Variants in PCCA observed in about 807,000 individuals in gnomAD.
PCCA encodes the protein propionyl-CoA carboxylase subunit alpha.
In PCCA, 74 loss-of-function variants were observed where a neutral mutation model predicts 101.3. That is an observed-to-expected ratio of 0.73 (90% CI 0.61 to 0.89). The LOEUF (loss-of-function observed/expected upper bound fraction) is 0.89, where lower values mean the gene tolerates loss of function less well. PCCA is among the 40% of genes least tolerant of loss of function. PCCA has a pLI of 0.00. For missense variants in PCCA, 891 were observed against 907.0 expected (o/e 0.98, Z 0.23); for synonymous variants, 294 against 313.6 (o/e 0.94, Z 0.66).
chr13:100,468,111 A>G (rs1256591842), intron 21 of PCCA, among the ~76,000 whole-genome samples: 3 of 152,260 alleles, frequency 2.0e-5, no homozygotes, highest in Admixed American at 6.5e-5. Context: ...GTCAATGAGT[A>G]GTAATATTTT....
chr13:100,285,340 C>T (rs2064519484), intron 12 of PCCA, among the ~76,000 whole-genome samples: 1 of 152,176 alleles, frequency 6.6e-6, no homozygotes, highest in Non-Finnish European at 1.5e-5. Flanking sequence ...TAAGCCTTCC[C>T]ACAGTACAAA....
At chr13:100,253,988 G>A (rs1407002946) in intron 8 of PCCA, among the ~76,000 whole-genome samples, 1 of 152,014 alleles carries the variant, frequency 6.6e-6, no homozygotes, top group Non-Finnish European at 1.5e-5. Flanking sequence ...ACCTGAGACT[G>A]GGTAGTGTAT....
At chr13:100,188,511 A>G (rs2057495735) in intron 6 of PCCA, among the ~76,000 whole-genome samples, 1 of 152,210 alleles carries the variant, frequency 6.6e-6, no homozygotes, top group African/African-American at 2.4e-5. Flanking sequence ...TTGTGCTGCT[A>G]TAAACATGCA....
At chr13:100,430,615 T>C (rs1595877398) in intron 20 of PCCA, among the ~76,000 whole-genome samples, 1 of 152,220 alleles carries the variant, frequency 6.6e-6, no homozygotes, top group African/African-American at 2.4e-5. Flanking sequence ...CACCAATTAC[T>C]TATTCTCCTC....
At chr13:100,232,829 A>C (rs1381012034) in intron 7 of PCCA, among the ~76,000 whole-genome samples, 1 of 151,964 alleles carries the variant, frequency 6.6e-6, no homozygotes, top group Non-Finnish European at 1.5e-5. Context: ...TGATTTGTTT[A>C]TTTTCTGTTT....
chr13:100,102,935 C>T lies in PCCA; in HGVS notation c.158C>T (p.Ser53Leu). The change falls in exon 2 of 24, where the codon TCA (serine) becomes TTA (leucine). Residue 53 changes from serine (S) to leucine (L), a missense_variant. Ser to Leu is a moderately radical substitution (Grantham distance 145, BLOSUM62 -2). Coordinates refer to ENST00000376285, the MANE Select transcript of PCCA (RefSeq NM_000282.4). Reference protein sequence around the residue: ...QCLMVSRNLGSVGYDPNEKTF... With the variant: ...QCLMVSRNLGLVGYDPNEKTF... ...TTAATGGTGTCCCGTAATCTTGGTTCAGTGGGATATGATCCTAATGAAAAA... is the reference window on the plus strand; with the variant it reads ...TTAATGGTGTCCCGTAATCTTGGTTTAGTGGGATATGATCCTAATGAAAAA... The T allele has an allele frequency of 6.2e-7, 1 of 1,605,820 alleles. No individual in the cohort carries two copies. Among genetic ancestry groups the T allele is most frequent in the Non-Finnish European group, 8.5e-7 (1 of 1,172,588 alleles).
chr13:100,173,073 C>A (rs1037944833), intron 6 of PCCA, among the ~76,000 whole-genome samples: 2 of 152,046 alleles, frequency 1.3e-5, no homozygotes. Flanking sequence ...ATCTAGCTTG[C>A]AGAATATTTC....
chr13:100,431,504 G>A (rs1460593100), intron 20 of PCCA, among the ~76,000 whole-genome samples: 1 of 152,198 alleles, frequency 6.6e-6, no homozygotes, highest in Non-Finnish European at 1.5e-5. Flanking sequence ...AGCTCACAAA[G>A]ATACCTATAT....
chr13:100,129,398 C>T (rs1396239762), intron 4 of PCCA, among the ~76,000 whole-genome samples: 5 of 152,138 alleles, frequency 3.3e-5, no homozygotes, highest in Non-Finnish European at 7.4e-5. Context: ...AATTTTAGTT[C>T]ATAGGCTCTT....
chr13:100,138,421 T>G (rs2152338538), intron 4 of PCCA, among the ~76,000 whole-genome samples: 1 of 152,332 alleles, frequency 6.6e-6, no homozygotes, highest in Non-Finnish European at 1.5e-5. Flanking sequence ...TCTTACGTGT[T>G]ATATCTGCAT....
At chr13:100,184,349 T>C (rs1487023814) in intron 6 of PCCA, among the ~76,000 whole-genome samples, 1 of 152,190 alleles carries the variant, frequency 6.6e-6, no homozygotes, top group African/African-American at 2.4e-5. Context: ...AATGAACAAA[T>C]GAATAAGAGA....
chr13:100,458,294 TACACACACACACACACAC>T lies in PCCA; in HGVS notation c.1899+9023_1899+9040del, dbSNP rs57961819. Among the ~76,000 whole-genome samples, 524 of 86,490 alleles carry T rather than the reference TACACACACACACACACAC, an allele frequency of 6.1e-3. 5 individuals carry two copies. Among genetic ancestry groups the T allele is most frequent in the African/African-American group, 0.021 (416 of 20,036 alleles). The allele number at this position is 86,490 out of a possible 152,430, so 56.7% of individuals were successfully genotyped here. ...CTGGGCAACAGTGGGACCCCATCTC[TACACACACACACACACAC>T]ACACACACACACACACACACACACA... On this transcript the variant is annotated intron_variant, in intron 21 of 23. Transcript: ENST00000376285.
chr13:100,380,142 A>G (rs2076148946), intron 19 of PCCA, among the ~76,000 whole-genome samples: 1 of 152,144 alleles, frequency 6.6e-6, no homozygotes, highest in South Asian at 2.1e-4. Context: ...CAGGAGGATG[A>G]CTTGAGCCCA....
intron 6 of PCCA, among the ~76,000 whole-genome samples, chr13:100,169,979 C>T (rs1374567378): frequency 6.6e-6 from 1 of 152,258 alleles, no homozygotes; most frequent in Admixed American, 6.5e-5. Flanking sequence ...GGATTATAGG[C>T]ATGAGCCACC....
intron 19 of PCCA, among the ~76,000 whole-genome samples, chr13:100,385,705 G>A (rs1366524601): frequency 6.6e-6 from 1 of 152,088 alleles, no homozygotes; most frequent in East Asian, 1.9e-4. Context: ...TGACTGCAAC[G>A]TCGGCCTCCT....
In PCCA at chr13:100,204,128, G is replaced by A. The variant is rs561877514; in HGVS notation, c.469-5204G>A. On this transcript the variant is annotated intron_variant, in intron 6 of 23. Transcript: ENST00000376285. ...TTTTGGACAGTTCAGCTGTTTTTCC[G>A]TGGCTTTTTTTTTTTTTTCGAGACA... Among the ~76,000 whole-genome samples the A allele has an allele frequency of 4.0e-5, 6 of 148,678 alleles. No individual in the cohort carries two copies. In the East Asian group the frequency reaches 7.8e-4, roughly 19 times the overall value.
intron 6 of PCCA, among the ~76,000 whole-genome samples, chr13:100,201,554 G>C (rs1351760457): frequency 6.6e-6 from 1 of 151,908 alleles, no homozygotes; most frequent in African/African-American, 2.4e-5. Flanking sequence ...TTAGATCATG[G>C]ACTGTACAAA....
intron 18 of PCCA, among the ~76,000 whole-genome samples, chr13:100,365,340 ATAGTACT>A (rs1188568818): frequency 6.6e-6 from 1 of 152,202 alleles, no homozygotes; most frequent in Non-Finnish European, 1.5e-5. Context: ...GGAAAAATAA[ATAGTACT>A]TAGGTTTTGG....
At chr13:100,438,182 G>T (rs1213344579) in intron 20 of PCCA, among the ~76,000 whole-genome samples, 1 of 151,148 alleles carries the variant, frequency 6.6e-6, no homozygotes, top group African/African-American at 2.4e-5. Flanking sequence ...TAATGATAGG[G>T]TCTTGCTCTG....
Sources: gnomAD v4.1 joint callset for allele counts (sites outside exome capture counted in the v4.1 genomes callset) on GRCh38, gnomAD v4.1.1 for gene constraint, MANE v1.5 for transcripts, NCBI Gene and HGNC (gene_info 2026-07-23, HGNC 2026-07-21) for gene names.